The following HCN1 variants were observed in gnomAD, a reference collection of about 807,000 sequenced individuals.
The protein encoded by HCN1 is hyperpolarization activated cyclic nucleotide gated potassium channel 1, also known as potassium/sodium hyperpolarization-activated cyclic nucleotide-gated channel 1.
In HCN1, 13 loss-of-function variants were observed where a neutral mutation model predicts 78.9. The ratio of observed to expected loss-of-function variants is 0.16; its 90% CI spans 0.11 to 0.26. The LOEUF (loss-of-function observed/expected upper bound fraction) is 0.26. Ranked by LOEUF, HCN1 falls within the 10% of genes least tolerant of loss-of-function variation. HCN1 has a pLI of 1.00. For synonymous variants in HCN1, 552 were observed against 455.5 expected, an observed-to-expected ratio of 1.21 and a Z score of -2.70; for missense variants, 810 against 1,154.3, an observed-to-expected ratio of 0.70 and a Z score of 4.32.
intron 3 of HCN1, among the ~76,000 whole-genome samples, chr5:45,406,069 C>A (rs554398233): frequency 8.6e-5 from 13 of 151,988 alleles, no homozygotes; most frequent in Admixed American, 5.2e-4. Context: ...AAAAATTAAA[C>A]AAATCAATGC....
chr5:45,614,769 C>A (rs1247097213), intron 2 of HCN1, among the ~76,000 whole-genome samples: 1 of 151,874 alleles, frequency 6.6e-6, no homozygotes, highest in Non-Finnish European at 1.5e-5. Context: ...AACAGTACTG[C>A]AAAAGAATTT....
At chr5:45,374,649 G>A (rs554983705) in intron 4 of HCN1, among the ~76,000 whole-genome samples, 3 of 150,308 alleles carry the variant, frequency 2.0e-5, no homozygotes, top group African/African-American at 4.9e-5. Flanking sequence ...CATTCTATGA[G>A]GCCAGCATCA....
intron 2 of HCN1, among the ~76,000 whole-genome samples, chr5:45,537,450 A>C (rs1742988501): frequency 7.2e-6 from 1 of 139,620 alleles, no homozygotes; most frequent in African/African-American, 2.6e-5. Flanking sequence ...CAAACATGTT[A>C]GATATTGATT....
At chr5:45,571,844 G>T (rs1310101600) in intron 2 of HCN1, among the ~76,000 whole-genome samples, 1 of 152,140 alleles carries the variant, frequency 6.6e-6, no homozygotes, top group East Asian at 1.9e-4. Flanking sequence ...AACCTGGGAG[G>T]CAGAGGTTGC....
chr5:45,569,188 T>C (rs1372725805), intron 2 of HCN1, among the ~76,000 whole-genome samples: 1 of 152,158 alleles, frequency 6.6e-6, no homozygotes, highest in African/African-American at 2.4e-5. Flanking sequence ...TACATGATTG[T>C]CCATTAAAAT....
intron 2 of HCN1, among the ~76,000 whole-genome samples, chr5:45,588,372 A>C (rs1744285121): frequency 6.6e-6 from 1 of 152,208 alleles, no homozygotes; most frequent in African/African-American, 2.4e-5. Context: ...AATGGAGTGG[A>C]TATTGTGTAA....
chr5:45,471,618 C>T (rs1741390377), intron 2 of HCN1, among the ~76,000 whole-genome samples: 1 of 151,920 alleles, frequency 6.6e-6, no homozygotes, highest in South Asian at 2.1e-4. Context: ...AGAAAGCCCA[C>T]ATGTGTTATC....
intron 3 of HCN1, among the ~76,000 whole-genome samples, chr5:45,406,362 G>T (rs1005402441): frequency 6.6e-6 from 1 of 152,146 alleles, no homozygotes; most frequent in South Asian, 2.1e-4. Context: ...AGCCAGCATA[G>T]AAGAAATCAG....
chr5:45,341,260 C>T (rs1473838065), intron 5 of HCN1, among the ~76,000 whole-genome samples: 1 of 152,170 alleles, frequency 6.6e-6, no homozygotes, highest in Non-Finnish European at 1.5e-5. Context: ...AAAATTCAAC[C>T]TGTTTTTGCC....
chr5:45,374,523 A>T (rs1747557537), intron 4 of HCN1, among the ~76,000 whole-genome samples: 1 of 149,866 alleles, frequency 6.7e-6, no homozygotes, highest in Non-Finnish European at 1.5e-5. Flanking sequence ...TGCCAACCAC[A>T]AAAAGCCCAG....
intron 4 of HCN1, among the ~76,000 whole-genome samples, chr5:45,354,429 C>T (rs1276263810): frequency 1.3e-5 from 2 of 151,936 alleles, no homozygotes; most frequent in Non-Finnish European, 2.9e-5. Flanking sequence ...TCATGTAACA[C>T]ACATTTGATA....
chr5:45,443,700 C>T (rs1740729023), intron 3 of HCN1, among the ~76,000 whole-genome samples: 1 of 152,050 alleles, frequency 6.6e-6, no homozygotes, highest in South Asian at 2.1e-4. Flanking sequence ...AAATATGCAA[C>T]TTCTGACTTT....
intron 2 of HCN1, among the ~76,000 whole-genome samples, chr5:45,471,580 C>T (rs993229243): frequency 1.3e-4 from 20 of 151,924 alleles, no homozygotes; most frequent in Non-Finnish European, 2.8e-4. Context: ...CACTTTGATT[C>T]TTTAATTGTT....
In HCN1 at chr5:45,263,597, C is replaced by T. The variant is rs891733724; in HGVS notation, c.1784-787G>A. 5.9e-5 allele frequency among the ~76,000 whole-genome samples: 9 copies of T among 152,178 alleles called. No homozygotes were observed. The South Asian group carries it at 1.9e-3, about 32-fold the overall frequency. On this transcript the variant is annotated intron_variant, in intron 7 of 7. Transcript: ENST00000303230. The stretch of plus-strand genomic sequence containing the variant: ...ACTGTATCAGGTTTTGCTTTTGACC[C>T]AGTGTCTTACACCAGTCATTCTCAG...
intron 2 of HCN1, among the ~76,000 whole-genome samples, chr5:45,482,164 A>G (rs1741668323): frequency 6.6e-6 from 1 of 152,210 alleles, no homozygotes; most frequent in Admixed American, 6.6e-5. Context: ...CAGAAAGAAG[A>G]CAAAGGCTGG....
intron 2 of HCN1, among the ~76,000 whole-genome samples, chr5:45,528,205 A>G (rs1221243762): frequency 2.6e-5 from 4 of 151,982 alleles, no homozygotes; most frequent in East Asian, 1.9e-4. Context: ...TTTCCTTCAA[A>G]TATCTGTCTG....
chr5:45,426,291 T>TAACC (rs1740345752), intron 3 of HCN1, among the ~76,000 whole-genome samples: 1 of 152,168 alleles, frequency 6.6e-6, no homozygotes, highest in African/African-American at 2.4e-5. Flanking sequence ...TGTGAATGGT[T>TAACC]AGTCATGGAA....
At chr5:45,372,901 A>C (rs1747449577) in intron 4 of HCN1, among the ~76,000 whole-genome samples, 1 of 143,268 alleles carries the variant, frequency 7.0e-6, no homozygotes, top group Non-Finnish European at 1.5e-5. Context: ...ATATGTACGT[A>C]TTCTATACAT....
chr5:45,665,691 G>T (rs1746030637), intron 1 of HCN1, among the ~76,000 whole-genome samples: 1 of 152,152 alleles, frequency 6.6e-6, no homozygotes, highest in South Asian at 2.1e-4. Context: ...TGTTGTGTTT[G>T]CAGATTACTA....
Sources: allele counts gnomAD v4.1 joint callset (sites outside exome capture counted in the v4.1 genomes callset), GRCh38; gene constraint gnomAD v4.1.1; transcripts MANE v1.5; gene names NCBI Gene and HGNC (gene_info 2026-07-23, HGNC 2026-07-21).